ABHD2: variants seen among roughly 807,000 people sequenced by gnomAD.
ABHD2 encodes the protein monoacylglycerol lipase ABHD2.
Under a neutral mutation model 48.1 loss-of-function variants are expected in ABHD2, and 20 were observed. That is an observed-to-expected ratio of 0.42 (90% CI 0.29 to 0.60). ABHD2 has a LOEUF of 0.60. Among genes scored for constraint, ABHD2 ranks in the 20% least tolerant of loss-of-function variants. The pLI is 0.24. For missense variants in ABHD2, 405 were observed against 550.9 expected, an observed-to-expected ratio of 0.74 and a Z score of 2.65; for synonymous variants, 209 against 214.2, an observed-to-expected ratio of 0.98 and a Z score of 0.21.
the ABHD2 span, among the ~76,000 whole-genome samples, chr15:89,054,055 C>T: frequency 6.6e-6 from 1 of 152,302 alleles, no homozygotes. Flanking sequence ...GGCACAGTGG[C>T]TCACTCCTGT....
chr15:89,043,600 AGAGGAGGAGGAGACGAGGAGGCGGAAG>A, the ABHD2 span, among the ~76,000 whole-genome samples: 1 of 137,208 alleles, frequency 7.3e-6, no homozygotes, highest in Non-Finnish European at 1.6e-5. Context: ...AAGGAGGAGG[AGAGGAGGAGGAGACGAGGAGGCGGAAG>A]GAGGAGGAGG....
chr15:89,107,460 A>G (rs1266547996), intron 1 of ABHD2, among the ~76,000 whole-genome samples: 1 of 152,176 alleles, frequency 6.6e-6, no homozygotes, highest in African/African-American at 2.4e-5. Flanking sequence ...GGTCGTTTCT[A>G]TCTGTCAACT....
the ABHD2 span, among the ~76,000 whole-genome samples, chr15:89,067,831 G>A: frequency 6.6e-6 from 1 of 152,100 alleles, no homozygotes; most frequent in Non-Finnish European, 1.5e-5. Flanking sequence ...TCCAAACCTT[G>A]AGGTAGGTAC....
chr15:89,151,567 T>C lies in ABHD2; in HGVS notation c.195-110T>C. 1 of 1,216,546 alleles carries C rather than the reference T, an allele frequency of 8.2e-7. No homozygotes were observed. The highest frequency in any genetic ancestry group is 2.4e-5 in the East Asian group (1 of 42,144). 75.4% of individuals were successfully genotyped at this position (1,216,546 alleles called of 1,614,324 possible). On this transcript the variant is annotated intron_variant, in intron 3 of 10. Transcript: ENST00000352732. The surrounding 1 kb of genome is among the most constrained non-coding windows in gnomAD (Gnocchi z 4.7). ...AAAAGCCTCATGTTTATGCTTTGTG[T>C]GCAGAATTTCCCTGGAACAAAAATA...
chr15:89,051,676 T>C, the ABHD2 span, among the ~76,000 whole-genome samples: 1 of 152,212 alleles, frequency 6.6e-6, no homozygotes, highest in Non-Finnish European at 1.5e-5. Flanking sequence ...CAAGATCTGA[T>C]GGTTTTATAA....
chr15:89,044,217 T>TA, the ABHD2 span, among the ~76,000 whole-genome samples: 1 of 152,222 alleles, frequency 6.6e-6, no homozygotes, highest in Non-Finnish European at 1.5e-5. Flanking sequence ...TCCATGTCCC[T>TA]ACAAAGGACA....
intron 10 of ABHD2, among the ~76,000 whole-genome samples, chr15:89,194,852 C>G (rs1038842457): frequency 1.3e-5 from 2 of 152,174 alleles, no homozygotes; most frequent in Non-Finnish European, 2.9e-5. Context: ...GAATTCCCTT[C>G]CCTCACTCCT....
chr15:89,160,107 G>A (rs2050739308), intron 5 of ABHD2, among the ~76,000 whole-genome samples: 1 of 152,218 alleles, frequency 6.6e-6, no homozygotes, highest in Non-Finnish European at 1.5e-5. Flanking sequence ...AGGTGCTATT[G>A]ATGTAATTTT....
intron 3 of ABHD2, among the ~76,000 whole-genome samples, chr15:89,135,025 G>A (rs2050280142): frequency 1.3e-5 from 2 of 151,930 alleles, no homozygotes; most frequent in African/African-American, 4.8e-5. Context: ...TCAAATGTCA[G>A]CATTTTAATC....
At chr15:89,191,033 C>T (rs2051294446) in intron 8 of ABHD2, 47 bp from the exon 9 acceptor site, 6 of 1,584,150 alleles carry the variant, frequency 3.8e-6, no homozygotes, top group Middle Eastern at 1.7e-4. Context: ...ATCTTAAAGA[C>T]CAATGTTTTG....
rs1901461073 is a variant in ABHD2, at chr15:89,088,653, A to C, written c.-107+90A>C. 6.6e-6 allele frequency: 1 copy of C among 152,286 alleles called. No homozygotes were observed. The highest frequency in any genetic ancestry group is 2.1e-4 in the South Asian group (1 of 4,836). The allele number at this position is 152,286 out of a possible 1,614,324, so 9.4% of individuals were successfully genotyped here. A position where few individuals can be genotyped will look rare whatever the true frequency, so the allele number is the denominator to read the frequency against. On this transcript the variant is annotated intron_variant, in intron 1 of 10. Transcript: ENST00000352732. The surrounding 1 kb of genome is among the most constrained non-coding windows in gnomAD (Gnocchi z 6.8). The stretch of plus-strand genomic sequence containing the variant: ...CTCCGAGCCCCGAGGTCCCCGGCGT[A>C]GCTCGGCCCATCACGCCGCAGCCTG...
At chr15:89,117,356 G>A (rs765599883) in intron 3 of ABHD2, among the ~76,000 whole-genome samples, 1 of 152,188 alleles carries the variant, frequency 6.6e-6, no homozygotes, top group South Asian at 2.1e-4. Context: ...CAGCAGGGGC[G>A]GGCTCTGCTT....
intron 5 of ABHD2, among the ~76,000 whole-genome samples, chr15:89,162,698 C>G (rs1462084560): frequency 6.6e-6 from 1 of 152,140 alleles, no homozygotes; most frequent in African/African-American, 2.4e-5. Context: ...AGCTCCCCCC[C>G]AACCCCAGTC....
the ABHD2 span, among the ~76,000 whole-genome samples, chr15:89,059,656 G>A: frequency 6.6e-6 from 1 of 152,168 alleles, no homozygotes; most frequent in Non-Finnish European, 1.5e-5. Context: ...TGGCACAGCA[G>A]TCGCAGGTGC....
the ABHD2 span, among the ~76,000 whole-genome samples, chr15:89,043,883 C>CT: frequency 0.38 from 56,515 of 149,930 alleles, 12,008 homozygotes; most frequent in South Asian, 0.51. Context: ...TTTCTCTTTT[C>CT]TTTTTTTTTC....
At chr15:89,149,967 G>A (rs961920851) in intron 3 of ABHD2, among the ~76,000 whole-genome samples, 1 of 152,166 alleles carries the variant, frequency 6.6e-6, no homozygotes, top group Non-Finnish European at 1.5e-5. Context: ...TTGGGGGGCT[G>A]CTGCCAAGAT....
chr15:89,147,718 G>T (rs1469455202), intron 3 of ABHD2, among the ~76,000 whole-genome samples: 1 of 151,706 alleles, frequency 6.6e-6, no homozygotes, highest in African/African-American at 2.4e-5. Flanking sequence ...AAAATCTATT[G>T]TATATTTTAA....
chr15:89,150,542 C>G (rs761064235), intron 3 of ABHD2, among the ~76,000 whole-genome samples: 2 of 152,148 alleles, frequency 1.3e-5, no homozygotes, highest in Non-Finnish European at 2.9e-5. Context: ...TCCCCTCCCC[C>G]GAAAAGGAAG....
At chr15:89,108,568 C>G (rs1233399873) in intron 1 of ABHD2, among the ~76,000 whole-genome samples, 1 of 152,184 alleles carries the variant, frequency 6.6e-6, no homozygotes, top group Non-Finnish European at 1.5e-5. Flanking sequence ...ACTTGCTACA[C>G]CAGGTAATGG....
Sources: allele counts gnomAD v4.1 joint callset (sites outside exome capture counted in the v4.1 genomes callset), GRCh38; gene constraint gnomAD v4.1.1; non-coding constraint Gnocchi (gnomAD v3.1); transcripts MANE v1.5; gene names NCBI Gene and HGNC (gene_info 2026-07-23, HGNC 2026-07-21).